The following PPP1R12A variants were observed in gnomAD, a reference collection of about 807,000 sequenced individuals.
PPP1R12A encodes myosin binding subunit.
PPP1R12A carries 19 observed loss-of-function variants against 139.6 expected under a neutral mutation model. That is an observed-to-expected ratio of 0.14 (90% confidence interval 0.09 to 0.20). The LOEUF (loss-of-function observed/expected upper bound fraction) is 0.20. Ranked by LOEUF, PPP1R12A falls within the 10% of genes least tolerant of loss-of-function variation. The pLI is 1.00. For missense variants in PPP1R12A, 925 were observed against 1,211.5 expected (o/e 0.76, Z 3.51); for synonymous variants, 427 against 420.6 (o/e 1.02, Z -0.19).
intron 1 of PPP1R12A, among the ~76,000 whole-genome samples, chr12:79,873,283 A>T (rs567116502): frequency 2.0e-5 from 3 of 152,026 alleles, no homozygotes; most frequent in Non-Finnish European, 4.4e-5. Context: ...GGGAAGGGGG[A>T]GTAGATTCCT....
At chr12:79,847,507 T>TA (rs1879546924) in intron 2 of PPP1R12A, among the ~76,000 whole-genome samples, 1 of 152,194 alleles carries the variant, frequency 6.6e-6, no homozygotes, top group Non-Finnish European at 1.5e-5. Context: ...ATGAACTGCT[T>TA]ATGTACATTC....
chr12:79,907,680 C>T (rs1372893198), intron 1 of PPP1R12A, among the ~76,000 whole-genome samples: 1 of 152,206 alleles, frequency 6.6e-6, no homozygotes, highest in East Asian at 1.9e-4. Flanking sequence ...AGGAGGATCA[C>T]TTGAGGCCAG....
At chr12:79,810,064 G>T in intron 9 of PPP1R12A, 54 bp from the exon 10 acceptor site, 1 of 1,327,102 alleles carries the variant, frequency 7.5e-7, no homozygotes, top group Non-Finnish European at 1.0e-6. Context: ...AAGCTGATCA[G>T]TCCTTAAATT....
Position 79,821,104 on chromosome 12 carries a change from A to T in PPP1R12A, c.930T>A (p.Asn310Lys), listed in dbSNP as rs746261792. 7 of 1,612,610 alleles carry T rather than the reference A, an allele frequency of 4.3e-6. No individual in the cohort carries two copies. Among genetic ancestry groups the T allele is most frequent in the Non-Finnish European group, 5.9e-6 (7 of 1,179,016 alleles). ...PLIESTANMD[N>K]NQSQKTFKNK... is the part of the protein sequence containing the mutation. ...TTTTAAAGGTCTTCTGTGACTGATT[A>T]TTGTCCATATTTGCTGTTGATTCAA... The change falls in exon 7 of 25, where the codon AAT becomes AAA. Residue 310 changes from asparagine (N) to lysine (K), a missense_variant. By Grantham distance (94) the Asn-to-Lys change is moderately conservative. Coordinates refer to ENST00000450142, the MANE Select transcript of PPP1R12A (RefSeq NM_002480.3).
intron 14 of PPP1R12A, among the ~76,000 whole-genome samples, chr12:79,805,384 C>T (rs893215968): frequency 6.6e-6 from 1 of 152,066 alleles, no homozygotes. Context: ...AACAAAAAAA[C>T]ATTAATTCTG....
intron 2 of PPP1R12A, among the ~76,000 whole-genome samples, chr12:79,856,502 TG>T (rs1422074738): frequency 6.6e-6 from 1 of 152,278 alleles, no homozygotes; most frequent in African/African-American, 2.4e-5. Flanking sequence ...CTTTGGATGA[TG>T]TCTTCATGAC....
At chr12:79,844,332 A>C (rs1879135461) in intron 3 of PPP1R12A, among the ~76,000 whole-genome samples, 1 of 152,198 alleles carries the variant, frequency 6.6e-6, no homozygotes. Context: ...ATGAAGCCCT[A>C]ATATTTCCCT....
intron 14 of PPP1R12A, 139 bp downstream of exon 14, chr12:79,805,453 G>A (rs1007173819): frequency 2.0e-5 from 14 of 698,998 alleles, no homozygotes; most frequent in African/African-American, 2.0e-4. Flanking sequence ...AATTTACATA[G>A]TTCTGAGCTG....
chr12:79,913,453 T>A (rs1886752848), intron 1 of PPP1R12A, among the ~76,000 whole-genome samples: 1 of 152,210 alleles, frequency 6.6e-6, no homozygotes, highest in African/African-American at 2.4e-5. Context: ...TCCCCACTTT[T>A]CTGAAATGCC....
At chr12:79,806,832 T>C (rs1372099520) in intron 12 of PPP1R12A, 1 of 165,046 alleles carries the variant, frequency 6.1e-6, no homozygotes, top group African/African-American at 2.4e-5. Context: ...AATATGATAC[T>C]ACCAACATTC....
At chr12:79,935,421 AG>A, upstream of PPP1R12A, 1 of 991,586 alleles carries the variant, frequency 1.0e-6, no homozygotes, top group Non-Finnish European at 1.2e-6. Context: ...TCCGGAGGCC[AG>A]CAGTGGAACC....
chr12:79,827,087 T>C (rs1876879270), intron 5 of PPP1R12A, among the ~76,000 whole-genome samples: 1 of 152,226 alleles, frequency 6.6e-6, no homozygotes, highest in Non-Finnish European at 1.5e-5. Context: ...GGCCTTTTAC[T>C]TGAATAGTAT....
In PPP1R12A at chr12:79,848,396, T is replaced by C. The variant is rs74593368; in HGVS notation, c.369-2976A>G. ...TTACATAAAAATACATCTATTCTGCTTGGGTATCACAAATCATTCAAAGGA... is the reference window on the plus strand; with the variant it reads ...TTACATAAAAATACATCTATTCTGCCTGGGTATCACAAATCATTCAAAGGA... On this transcript the variant is annotated intron_variant, in intron 2 of 24. Coordinates refer to ENST00000450142, the MANE Select transcript of PPP1R12A (RefSeq NM_002480.3). 1.2e-3 allele frequency among the ~76,000 whole-genome samples: 187 copies of C among 152,238 alleles called. 5 individuals carry two copies. In the East Asian group the frequency reaches 0.034, roughly 28 times the overall value.
At chr12:79,840,382 G>A (rs2137187328) in intron 3 of PPP1R12A, among the ~76,000 whole-genome samples, 1 of 152,188 alleles carries the variant, frequency 6.6e-6, no homozygotes, top group Non-Finnish European at 1.5e-5. Context: ...TCATCTACTA[G>A]TTCCCAGAAC....
At chr12:79,802,387 A>G (rs1178421317) in intron 14 of PPP1R12A, among the ~76,000 whole-genome samples, 1 of 152,194 alleles carries the variant, frequency 6.6e-6, no homozygotes, top group Non-Finnish European at 1.5e-5. Context: ...TTATGTACCT[A>G]CTGGCCCTAT....
At chr12:79,849,699 C>T (rs1879825836) in intron 2 of PPP1R12A, among the ~76,000 whole-genome samples, 1 of 152,142 alleles carries the variant, frequency 6.6e-6, no homozygotes, top group Admixed American at 6.5e-5. Flanking sequence ...AATGAACAAC[C>T]GTATTGAGTG....
chr12:79,866,409 T>A (rs372096266), intron 2 of PPP1R12A, among the ~76,000 whole-genome samples: 1 of 152,186 alleles, frequency 6.6e-6, no homozygotes, highest in Non-Finnish European at 1.5e-5. Flanking sequence ...GACATAGGCA[T>A]GGGCAAAGAC....
chr12:79,867,509 C>T (rs544410275), intron 2 of PPP1R12A, among the ~76,000 whole-genome samples: 2 of 124,874 alleles, frequency 1.6e-5, no homozygotes, highest in African/African-American at 5.4e-5. Flanking sequence ...AATGCATGAG[C>T]TCCTAATATT....
rs1362851416 is a variant in PPP1R12A, at chr12:79,836,421, TTC to T, written c.488-3932_488-3931del. ...TTCTGATTTTTATTGTCTTTTACTATTCTGTTTCCTTTGAACTTCAAGTTAAA... is the reference window on the plus strand; with the variant it reads ...TTCTGATTTTTATTGTCTTTTACTATTGTTTCCTTTGAACTTCAAGTTAAA... On this transcript the variant is annotated intron_variant, in intron 3 of 24. Transcript: ENST00000450142. Among the ~76,000 whole-genome samples the T allele has an allele frequency of 1.2e-4, 18 of 152,312 alleles. No homozygotes were observed. The East Asian group carries it at 3.3e-3, about 28-fold the overall frequency.
Sources: allele counts gnomAD v4.1 joint callset (sites outside exome capture counted in the v4.1 genomes callset), GRCh38; gene constraint gnomAD v4.1.1; transcripts MANE v1.5; gene names NCBI Gene and HGNC (gene_info 2026-07-23, HGNC 2026-07-21).